Variants in SH3GL3 observed in about 807,000 individuals in gnomAD.
SH3GL3 encodes SH3 domain containing GRB2 like 3, endophilin A3.
SH3GL3 carries 33 observed loss-of-function variants against 47.7 expected under a neutral mutation model. That is an observed-to-expected ratio of 0.69 (90% CI 0.52 to 0.92). The LOEUF is 0.92. Among genes scored for constraint, SH3GL3 ranks in the 40% least tolerant of loss-of-function variants. The pLI is 0.00. For synonymous variants in SH3GL3, 155 were observed against 148.8 expected (o/e 1.04, Z -0.30); for missense variants, 363 against 417.8 (o/e 0.87, Z 1.14).
chr15:83,579,260 C>T (rs574100863), intron 6 of SH3GL3, among the ~76,000 whole-genome samples: 7 of 152,338 alleles, frequency 4.6e-5, no homozygotes, highest in East Asian at 1.9e-4. Context: ...GCTGGCCTTG[C>T]TCCGGCCTGG....
chr15:83,463,705 C>A lies in SH3GL3; in HGVS notation c.45+16127C>A, dbSNP rs2040415996. On this transcript the variant is annotated intron_variant, in intron 1 of 8. Coordinates refer to ENST00000427482, the MANE Select transcript of SH3GL3 (RefSeq NM_003027.5). ...TCCTTTGATCTTAGGTCCCTCTTCA[C>A]CCCTGTCCTATTTAAATATTTGAGG... is the stretch of plus-strand genomic sequence containing the variant. 2.0e-5 allele frequency among the ~76,000 whole-genome samples: 3 copies of A among 151,870 alleles called. No individual in the cohort carries two copies. The South Asian group carries it at 6.2e-4, about 32-fold the overall frequency.
At chr15:83,516,215 T>A (rs2637979) in intron 1 of SH3GL3, among the ~76,000 whole-genome samples, 126,806 of 152,054 alleles carry the variant, frequency 0.83, 53,014 homozygotes, top group South Asian at 0.9. Context: ...ATAAGTGTAC[T>A]GACTGTTGGA....
intron 1 of SH3GL3, among the ~76,000 whole-genome samples, chr15:83,528,711 T>C (rs913811666): frequency 1.3e-5 from 2 of 152,206 alleles, no homozygotes; most frequent in African/African-American, 4.8e-5. Flanking sequence ...GAATTGTTTT[T>C]CTGGTATCTT....
At chr15:83,495,083 T>C (rs1488972049) in intron 1 of SH3GL3, among the ~76,000 whole-genome samples, 3 of 152,134 alleles carry the variant, frequency 2.0e-5, no homozygotes, top group African/African-American at 7.2e-5. Context: ...GGGTTCCTGG[T>C]CTTGCTGTGG....
At chr15:83,627,365 C>T in the SH3GL3 span, among the ~76,000 whole-genome samples, 1 of 149,328 alleles carries the variant, frequency 6.7e-6, no homozygotes, top group South Asian at 2.1e-4. Context: ...CCACTGCACT[C>T]CAGACTGGGC....
chr15:83,552,387 G>T (rs1190534867), intron 1 of SH3GL3, among the ~76,000 whole-genome samples: 1 of 151,910 alleles, frequency 6.6e-6, no homozygotes, highest in African/African-American at 2.4e-5. Flanking sequence ...TTCTATTGGG[G>T]TTTTCTTTTT....
chr15:83,627,450 G>C, the SH3GL3 span, among the ~76,000 whole-genome samples: 1 of 151,362 alleles, frequency 6.6e-6, no homozygotes, highest in East Asian at 1.9e-4. Context: ...CTAGTAAAAA[G>C]GCTGTATTTC....
At chr15:83,565,231 C>G (rs2045478593) in intron 3 of SH3GL3, 25 bp downstream of exon 3, 2 of 1,293,658 alleles carry the variant, frequency 1.5e-6, no homozygotes, top group Non-Finnish European at 2.2e-6. Context: ...TTCTCTTGTT[C>G]ATTTGCTGTC....
intron 1 of SH3GL3, among the ~76,000 whole-genome samples, chr15:83,505,249 G>T (rs996312735): frequency 6.6e-6 from 1 of 152,158 alleles, no homozygotes; most frequent in East Asian, 1.9e-4. Context: ...TAGTGCACTC[G>T]CTGGCTAAAG....
chr15:83,447,943 G>T lies in SH3GL3; in HGVS notation c.45+365G>T, dbSNP rs559914843. On this transcript the variant is annotated intron_variant, in intron 1 of 8. Coordinates refer to ENST00000427482, the MANE Select transcript of SH3GL3 (RefSeq NM_003027.5). This position sits in a 1 kb window ranked among gnomAD's most constrained non-coding sequence, Gnocchi z 5.1. ...CCACAGGGAGTACGATGCCGGCAGG[G>T]CCTCCCCCGAGTCTCCAGCCGTTTG... 6.6e-6 allele frequency among the ~76,000 whole-genome samples: 1 copy of T among 152,120 alleles called. No homozygotes were observed. The highest frequency in any genetic ancestry group is 1.9e-4 in the East Asian group (1 of 5,140).
intron 5 of SH3GL3, among the ~76,000 whole-genome samples, chr15:83,573,622 T>C (rs905341889): frequency 6.6e-6 from 1 of 152,222 alleles, no homozygotes; most frequent in Admixed American, 6.5e-5. Context: ...GTCTAGCCTA[T>C]GTGACAGAGA....
chr15:83,629,853 C>A, the SH3GL3 span, among the ~76,000 whole-genome samples: 3 of 149,004 alleles, frequency 2.0e-5, no homozygotes, highest in East Asian at 6.0e-4. Context: ...GTACCATAGA[C>A]CTAGACATAC....
chr15:83,529,198 G>A (rs1159134020), intron 1 of SH3GL3, among the ~76,000 whole-genome samples: 2 of 152,202 alleles, frequency 1.3e-5, no homozygotes, highest in Non-Finnish European at 2.9e-5. Context: ...CCCAGTGGTG[G>A]CAGTGGTGGG....
At chr15:83,468,600 A>G (rs2040686928) in intron 1 of SH3GL3, among the ~76,000 whole-genome samples, 1 of 152,222 alleles carries the variant, frequency 6.6e-6, no homozygotes, top group South Asian at 2.1e-4. Flanking sequence ...AATGTGCATC[A>G]GTTGATATGA....
In SH3GL3 at chr15:83,568,663, T is replaced by A. The variant is rs771095393; in HGVS notation, c.322T>A (p.Ser108Thr). 9 of 1,613,524 alleles carry A rather than the reference T, an allele frequency of 5.6e-6. No homozygotes were observed. In the Admixed American group the frequency reaches 1.5e-4, roughly 27 times the overall value. The stretch of plus-strand genomic sequence containing the variant: ...ATACGGGAAGGAGCTCGGGGAAGAC[T>A]CCACCTTTGGTGAGTTATTCAGAGA... The part of the protein sequence containing the change: ...LKYGKELGED[S>T]TFGNALIEVG... The change falls in exon 4 of 9, where the codon TCC becomes ACC. Residue 108 changes from serine (S) to threonine (T), a missense_variant. Coordinates refer to ENST00000427482, the MANE Select transcript of SH3GL3 (RefSeq NM_003027.5).
chr15:83,470,906 A>G (rs2040803067), intron 1 of SH3GL3, among the ~76,000 whole-genome samples: 1 of 152,054 alleles, frequency 6.6e-6, no homozygotes, highest in African/African-American at 2.4e-5. Flanking sequence ...TAGAAAACTA[A>G]CCTCCCTTTG....
chr15:83,556,755 A>G (rs2044980101), intron 1 of SH3GL3, among the ~76,000 whole-genome samples: 1 of 152,160 alleles, frequency 6.6e-6, no homozygotes, highest in Non-Finnish European at 1.5e-5. Flanking sequence ...CATTTAGTTT[A>G]TGATTCTGTG....
At chr15:83,519,419 G>A (rs1026842053) in intron 1 of SH3GL3, among the ~76,000 whole-genome samples, 1 of 152,002 alleles carries the variant, frequency 6.6e-6, no homozygotes, top group Non-Finnish European at 1.5e-5. Flanking sequence ...GTAATTTTTT[G>A]TGTGGCTGTT....
At chr15:83,608,016 A>G (rs1240039457) in intron 8 of SH3GL3, among the ~76,000 whole-genome samples, 1 of 152,134 alleles carries the variant, frequency 6.6e-6, no homozygotes, top group African/African-American at 2.4e-5. Flanking sequence ...ATCACAATAG[A>G]CAAGTCATTG....
Sources: gnomAD v4.1 joint callset for allele counts (sites outside exome capture counted in the v4.1 genomes callset) on GRCh38, gnomAD v4.1.1 for gene constraint, Gnocchi (gnomAD v3.1) non-coding constraint, MANE v1.5 for transcripts, NCBI Gene and HGNC (gene_info 2026-07-23, HGNC 2026-07-21) for gene names.